Variants in SOX5 observed in about 807,000 individuals in gnomAD.
SOX5 encodes the protein transcription factor SOX-5.
Under a neutral mutation model 92.0 loss-of-function variants are expected in SOX5, and 9 were observed. The ratio of observed to expected loss-of-function variants is 0.10; its 90% confidence interval spans 0.06 to 0.17. SOX5 has a LOEUF of 0.17. Among genes scored for constraint, SOX5 ranks in the 10% least tolerant of loss-of-function variants. SOX5 has a pLI of 1.00. For synonymous variants in SOX5, 344 were observed against 336.3 expected (o/e 1.02, Z -0.25); for missense variants, 642 against 944.5 (o/e 0.68, Z 4.20).
chr12:23,914,419 G>T lies in SOX5; in HGVS notation c.39-18395C>A, dbSNP rs575211150. On this transcript the variant is annotated intron_variant, in intron 1 of 14. Coordinates refer to ENST00000451604, the MANE Select transcript of SOX5 (RefSeq NM_006940.6). ...ATTAAATAGACATTGATTTACCAGG[G>T]CAAGTAACTTCAAACCAATTTAGAA... 7.9e-5 allele frequency among the ~76,000 whole-genome samples: 12 copies of T among 152,184 alleles called. No individual in the cohort carries two copies. In the South Asian group the frequency reaches 2.5e-3, roughly 32 times the overall value.
intron 3 of SOX5, among the ~76,000 whole-genome samples, chr12:24,266,508 AT>A (rs1300193845): frequency 6.6e-6 from 1 of 152,174 alleles, no homozygotes; most frequent in Non-Finnish European, 1.5e-5. Flanking sequence ...TTACTGTGGC[AT>A]TTTTAATCTT....
chr12:24,550,792 C>A (rs1312099751), intron 1 of SOX5, among the ~76,000 whole-genome samples: 1 of 152,138 alleles, frequency 6.6e-6, no homozygotes, highest in African/African-American at 2.4e-5. Context: ...CTTAAAAATG[C>A]CTTGTATTGC....
intron 4 of SOX5, among the ~76,000 whole-genome samples, chr12:24,136,629 G>C (rs932929616): frequency 8.5e-5 from 13 of 152,144 alleles, no homozygotes; most frequent in African/African-American, 2.7e-4. Flanking sequence ...AGCAGTGAGG[G>C]GGAAGGTGGG....
chr12:24,126,643 G>A (rs1332343589), intron 4 of SOX5, among the ~76,000 whole-genome samples: 2 of 152,210 alleles, frequency 1.3e-5, no homozygotes, highest in African/African-American at 4.8e-5. Context: ...GTCTCATAAT[G>A]TAAACCCGAC....
rs552570930 is a variant in SOX5, at chr12:24,327,745, G to A, written c.-174+40818C>T. Among the ~76,000 whole-genome samples, 18 of 151,820 alleles carry A rather than the reference G, an allele frequency of 1.2e-4. 1 individual carries two copies. The highest frequency in any genetic ancestry group is 1.9e-4 in the African/African-American group (8 of 41,410). On this transcript the variant is annotated intron_variant, in intron 2 of 4. Coordinates refer to the SOX5 transcript ENST00000446891. Reference sequence around the variant, plus strand: ...ACTACAGGAGCCTGCCACCACGCCCGGCTAATTTTTTTATGTGTGTGTGTT... The same window carrying A: ...ACTACAGGAGCCTGCCACCACGCCCAGCTAATTTTTTTATGTGTGTGTGTT...
At chr12:24,521,884 T>C (rs562519566) in intron 1 of SOX5, among the ~76,000 whole-genome samples, 18 of 151,794 alleles carry the variant, frequency 1.2e-4, no homozygotes, top group African/African-American at 3.6e-4. Flanking sequence ...AACAATCTAA[T>C]TGATACCTCC....
intron 2 of SOX5, among the ~76,000 whole-genome samples, chr12:24,321,256 CATTA>C (rs1950192134): frequency 6.6e-6 from 1 of 152,170 alleles, no homozygotes; most frequent in African/African-American, 2.4e-5. Context: ...TGAACTGTTT[CATTA>C]ATTAATAACA....
chr12:24,209,888 G>A (rs962163874), intron 4 of SOX5, among the ~76,000 whole-genome samples: 10 of 149,226 alleles, frequency 6.7e-5, no homozygotes, highest in Non-Finnish European at 1.0e-4. Flanking sequence ...CGTAGTGGCG[G>A]GCGCCTGTAG....
intron 3 of SOX5, among the ~76,000 whole-genome samples, chr12:23,809,768 T>C (rs994293574): frequency 4.7e-5 from 7 of 150,250 alleles, no homozygotes; most frequent in Admixed American, 2.1e-4. Flanking sequence ...GTCTTTTTTT[T>C]TTTTTTTTTT....
chr12:23,665,793 G>A (rs903603757), intron 6 of SOX5, among the ~76,000 whole-genome samples: 4 of 152,124 alleles, frequency 2.6e-5, no homozygotes, highest in Admixed American at 2.0e-4. Context: ...CTAACACGAC[G>A]AATAGTTTCC....
intron 2 of SOX5, among the ~76,000 whole-genome samples, chr12:23,847,671 C>T (rs1054965972): frequency 2.0e-5 from 3 of 147,834 alleles, no homozygotes; most frequent in Non-Finnish European, 3.0e-5. Flanking sequence ...GTGGGGAAGG[C>T]GAAAAAAAAA....
At chr12:24,526,889 T>C (rs1367459205) in intron 1 of SOX5, among the ~76,000 whole-genome samples, 1 of 151,916 alleles carries the variant, frequency 6.6e-6, no homozygotes, top group African/African-American at 2.4e-5. Context: ...GCAGTCATAG[T>C]TCACTGCAGC....
chr12:24,535,724 T>G (rs1382018998), intron 1 of SOX5, among the ~76,000 whole-genome samples: 2 of 152,250 alleles, frequency 1.3e-5, no homozygotes, highest in Non-Finnish European at 2.9e-5. Context: ...CTGTTGAAAC[T>G]GCTTCTGCTG....
chr12:24,287,592 C>CTTTTTTTTTTTTTTTT (rs763973565), intron 2 of SOX5, among the ~76,000 whole-genome samples: 1 of 79,672 alleles, frequency 1.3e-5, no homozygotes, highest in African/African-American at 4.5e-5. Flanking sequence ...TTCTCAAATC[C>CTTTTTTTTTTTTTTTT]TTTTTTTTTT....
chr12:23,963,097 A>C (rs540773496), intron 4 of SOX5, among the ~76,000 whole-genome samples: 1 of 152,288 alleles, frequency 6.6e-6, no homozygotes, highest in East Asian at 1.9e-4. Flanking sequence ...TTCTGGTTTA[A>C]AGAAAGCAAA....
chr12:24,443,894 A>G (rs1941052898), intron 1 of SOX5, among the ~76,000 whole-genome samples: 1 of 152,244 alleles, frequency 6.6e-6, no homozygotes, highest in Admixed American at 6.5e-5. Context: ...CTTGTCAACT[A>G]TGAATAAAGG....
chr12:24,061,417 T>G (rs940854601), intron 4 of SOX5, among the ~76,000 whole-genome samples: 1 of 150,764 alleles, frequency 6.6e-6, no homozygotes, highest in Non-Finnish European at 1.5e-5. Flanking sequence ...CACTTTGTAG[T>G]CACAATGTTT....
intron 4 of SOX5, among the ~76,000 whole-genome samples, chr12:24,033,479 C>A (rs1433978828): frequency 6.6e-6 from 1 of 151,942 alleles, no homozygotes; most frequent in Non-Finnish European, 1.5e-5. Flanking sequence ...TATGAAAATT[C>A]AGTTCCACAA....
chr12:24,017,549 A>G (rs909481927), intron 4 of SOX5, among the ~76,000 whole-genome samples: 1 of 152,064 alleles, frequency 6.6e-6, no homozygotes. Context: ...GCAGTGAGCC[A>G]AGATCGCGCC....
Sources: gnomAD v4.1 joint callset for allele counts (sites outside exome capture counted in the v4.1 genomes callset) on GRCh38, gnomAD v4.1.1 for gene constraint, MANE v1.5 for transcripts, NCBI Gene and HGNC (gene_info 2026-07-23, HGNC 2026-07-21) for gene names.